The following PDILT variants were observed in gnomAD, a reference collection of about 807,000 sequenced individuals.
PDILT encodes protein disulfide-isomerase-like protein of the testis.
Under a neutral mutation model 53.7 loss-of-function variants are expected in PDILT, and 43 were observed. The ratio of observed to expected loss-of-function variants is 0.80; its 90% CI spans 0.63 to 1.03. PDILT has a LOEUF of 1.03. Ranked by LOEUF, PDILT falls within the 50% of genes least tolerant of loss-of-function variation. The pLI, the probability that PDILT is intolerant of heterozygous loss-of-function variation, is 0.00. For missense variants in PDILT, 727 were observed against 712.3 expected (o/e 1.02, Z -0.24); for synonymous variants, 282 against 274.2 (o/e 1.03, Z -0.28).
At chr16:20,362,305 C>T in intron 10 of PDILT, 99 bp downstream of exon 10, 15 of 1,280,412 alleles carry the variant, frequency 1.2e-5, no homozygotes, top group Non-Finnish European at 1.6e-5. Context: ...GAGAATAAAA[C>T]TGGTTTGGTA....
chr16:20,365,859 G>C (rs540947821), intron 8 of PDILT, among the ~76,000 whole-genome samples: 19 of 152,132 alleles, frequency 1.2e-4, no homozygotes, highest in African/African-American at 4.3e-4. Context: ...GAGGCGGGTG[G>C]ATCATGAAGT....
At chr16:20,381,278 T>C (rs373565108) in intron 3 of PDILT, among the ~76,000 whole-genome samples, 3 of 152,172 alleles carry the variant, frequency 2.0e-5, no homozygotes, top group East Asian at 3.9e-4. Context: ...TAAAGCACTG[T>C]CTCCTCTCAG....
At chr16:20,374,233 G>T (rs1966349785) in intron 5 of PDILT, among the ~76,000 whole-genome samples, 1 of 152,040 alleles carries the variant, frequency 6.6e-6, no homozygotes, top group Non-Finnish European at 1.5e-5. Context: ...AGATAGAAAT[G>T]AATGGTTAAA....
intron 3 of PDILT, among the ~76,000 whole-genome samples, chr16:20,381,728 A>T (rs1300926272): frequency 6.6e-6 from 1 of 151,698 alleles, no homozygotes; most frequent in Non-Finnish European, 1.5e-5. Context: ...AAATCCAGGC[A>T]TCCTCAATCC....
At chr16:20,361,573 C>A (rs1380326611) in intron 10 of PDILT, among the ~76,000 whole-genome samples, 1 of 152,154 alleles carries the variant, frequency 6.6e-6, no homozygotes, top group Non-Finnish European at 1.5e-5. Flanking sequence ...ACTACCTTAG[C>A]CTCATCCTCT....
intron 4 of PDILT, 36 bp from the exon 5 acceptor site, chr16:20,374,995 G>A: frequency 6.4e-7 from 1 of 1,572,482 alleles, no homozygotes; most frequent in Non-Finnish European, 8.7e-7. Context: ...GGCTTTGGTA[G>A]AAATCAAGGT....
At chr16:20,385,965 T>C (rs1441764742) in intron 2 of PDILT, 1 of 152,154 alleles carries the variant, frequency 6.6e-6, no homozygotes, top group Non-Finnish European at 1.5e-5. Context: ...ACAGGCCAAA[T>C]TGAGCCCCTG....
intron 2 of PDILT, among the ~76,000 whole-genome samples, chr16:20,397,740 G>T (rs1012962108): frequency 6.6e-6 from 1 of 152,144 alleles, no homozygotes; most frequent in African/African-American, 2.4e-5. Context: ...GGGCAGCTTG[G>T]GAAGCAGGTG....
chr16:20,366,413 G>A (rs75044573), intron 8 of PDILT, among the ~76,000 whole-genome samples: 4,566 of 152,108 alleles, frequency 0.03, 103 homozygotes, highest in Non-Finnish European at 0.046. Context: ...GACCCTCCCC[G>A]CATCTAGATG....
At chr16:20,379,498 A>G (rs1479779504) in intron 3 of PDILT, among the ~76,000 whole-genome samples, 1 of 152,016 alleles carries the variant, frequency 6.6e-6, no homozygotes, top group Non-Finnish European at 1.5e-5. Flanking sequence ...AATTTTTAGT[A>G]GAGACGAGGT....
At position 20,359,209 on chromosome 16, in the gene PDILT, C is replaced by A; in HGVS notation, c.*110G>T. 2 of 1,508,346 alleles carry A rather than the reference C, an allele frequency of 1.3e-6. No homozygotes were observed. The highest frequency in any genetic ancestry group is 1.8e-6 in the Non-Finnish European group (2 of 1,128,126). The allele number at this position is 1,508,346 out of a possible 1,614,324, so 93.4% of individuals were successfully genotyped here. ...AGGCTTTATTATCCACCCCTACCCC[C>A]GCCCCACCTACCCTACCACAATGAT... On this transcript the variant is annotated 3_prime_UTR_variant, in exon 12 of 12. Coordinates refer to ENST00000302451, the MANE Select transcript of PDILT (RefSeq NM_174924.2).
chr16:20,366,090 CAA>C (rs34816350), intron 8 of PDILT, among the ~76,000 whole-genome samples: 116 of 72,236 alleles, frequency 1.6e-3, no homozygotes, highest in East Asian at 3.9e-3. Context: ...ATTTCGTCTC[CAA>C]AAAAAAAAAA....
chr16:20,365,218 A>G (rs1382211615), intron 9 of PDILT, among the ~76,000 whole-genome samples: 1 of 152,234 alleles, frequency 6.6e-6, no homozygotes, highest in Non-Finnish European at 1.5e-5. Context: ...CATTGCATAC[A>G]TTCCAATAAT....
At chr16:20,395,282 A>T (rs571376862) in intron 2 of PDILT, among the ~76,000 whole-genome samples, 16 of 152,340 alleles carry the variant, frequency 1.1e-4, no homozygotes, top group Non-Finnish European at 1.9e-4. Context: ...CATGGGCCTA[A>T]GTTCTAGCCA....
chr16:20,398,365 T>C (rs1412185913), intron 2 of PDILT, among the ~76,000 whole-genome samples: 1 of 152,160 alleles, frequency 6.6e-6, no homozygotes, highest in East Asian at 1.9e-4. Context: ...TTCACGCCTG[T>C]AATCCCAGCA....
In PDILT at chr16:20,365,308, G is replaced by C. The variant is rs886221669; in HGVS notation, c.1237+112C>G. 1.2e-5 allele frequency: 14 copies of C among 1,203,432 alleles called. No individual in the cohort carries two copies. The Admixed American group carries it at 2.1e-4, about 18-fold the overall frequency. 74.5% of individuals were successfully genotyped at this position (1,203,432 alleles called of 1,614,324 possible). A position where few individuals can be genotyped will look rare whatever the true frequency, so the allele number is the denominator to read the frequency against. On this transcript the variant is annotated intron_variant, in intron 9 of 11. Transcript: ENST00000302451. Reference sequence around the variant, plus strand: ...CTTTGGGTATCTGAAGACCATCCTTGGCATGGTGCATTGATGGGTTTTAGA... The same window carrying C: ...CTTTGGGTATCTGAAGACCATCCTTCGCATGGTGCATTGATGGGTTTTAGA...
At chr16:20,402,041 C>T (rs943307809) in intron 1 of PDILT, among the ~76,000 whole-genome samples, 17 of 152,252 alleles carry the variant, frequency 1.1e-4, no homozygotes, top group Non-Finnish European at 2.1e-4. Flanking sequence ...TTTGGCTCCA[C>T]GGAGCCAGCC....
At chr16:20,375,336 C>A (rs1368408870) in intron 4 of PDILT, among the ~76,000 whole-genome samples, 1 of 152,174 alleles carries the variant, frequency 6.6e-6, no homozygotes, top group African/African-American at 2.4e-5. Context: ...AGCCTTCATT[C>A]TTTAGCTTGA....
At chr16:20,376,343 T>C (rs771036968) in intron 3 of PDILT, 142 bp from the exon 4 acceptor site, 2 of 882,652 alleles carry the variant, frequency 2.3e-6, no homozygotes, top group Non-Finnish European at 3.4e-6. Flanking sequence ...GTTCCTCCAT[T>C]CCCCTCTTCC....
Sources: allele counts gnomAD v4.1 joint callset (sites outside exome capture counted in the v4.1 genomes callset), GRCh38; gene constraint gnomAD v4.1.1; transcripts MANE v1.5; gene names NCBI Gene and HGNC (gene_info 2026-07-23, HGNC 2026-07-21).